Variants in NFIB observed in about 807,000 individuals in gnomAD.
The protein encoded by NFIB is nuclear factor 1 B-type.
Under a neutral mutation model 61.5 loss-of-function variants are expected in NFIB, and 11 were observed. That is an observed-to-expected ratio of 0.18 (90% confidence interval 0.11 to 0.30). The LOEUF (loss-of-function observed/expected upper bound fraction) is 0.30. Among genes scored for constraint, NFIB ranks in the 10% least tolerant of loss-of-function variants. NFIB has a pLI of 1.00. For missense variants in NFIB, 471 were observed against 608.9 expected, an observed-to-expected ratio of 0.77 and a Z score of 2.38; for synonymous variants, 260 against 216.5, an observed-to-expected ratio of 1.20 and a Z score of -1.76.
chr9:14,502,968 T>C, the NFIB span, among the ~76,000 whole-genome samples: 1 of 152,016 alleles, frequency 6.6e-6, no homozygotes, highest in Non-Finnish European at 1.5e-5. Flanking sequence ...AGTGCAAACA[T>C]ACAATGTTTT....
chr9:14,249,202 A>G (rs2055289162), intron 2 of NFIB, among the ~76,000 whole-genome samples: 1 of 152,152 alleles, frequency 6.6e-6, no homozygotes, highest in Non-Finnish European at 1.5e-5. Context: ...TAGTATTTCC[A>G]ATTACATAAA....
chr9:14,345,267 A>C (rs2061005210), intron 1 of NFIB, among the ~76,000 whole-genome samples: 1 of 152,186 alleles, frequency 6.6e-6, no homozygotes, highest in South Asian at 2.1e-4. Flanking sequence ...TCCTGTCCCA[A>C]TAATTTAAAT....
At chr9:14,458,905 A>G in the NFIB span, among the ~76,000 whole-genome samples, 27 of 151,956 alleles carry the variant, frequency 1.8e-4, no homozygotes, top group African/African-American at 4.8e-4. Flanking sequence ...ATGCTCATGG[A>G]TAGGAAGAAT....
chr9:14,225,406 G>A (rs35372188), intron 2 of NFIB, among the ~76,000 whole-genome samples: 180 of 134,272 alleles, frequency 1.3e-3, no homozygotes, highest in African/African-American at 4.9e-3. Context: ...GCAGTGAGCC[G>A]AGATCCCGCC....
At chr9:14,254,145 A>G (rs1469240832) in intron 2 of NFIB, among the ~76,000 whole-genome samples, 1 of 152,082 alleles carries the variant, frequency 6.6e-6, no homozygotes, top group East Asian at 1.9e-4. Context: ...TAGTAAAAGT[A>G]CAAAAATTAG....
the NFIB span, among the ~76,000 whole-genome samples, chr9:14,469,595 G>C: frequency 4.6e-5 from 7 of 152,174 alleles, no homozygotes; most frequent in African/African-American, 9.7e-5. Context: ...TGCCTGATAC[G>C]AATTGGTTGG....
chr9:14,322,346 TG>T, intron 1 of NFIB: 3 of 252,382 alleles, frequency 1.2e-5, no homozygotes, highest in Admixed American at 5.5e-5. Context: ...TGTGTGTGTG[TG>T]GTGGGTTTTA....
At chr9:14,382,314 T>C (rs1017084751) in intron 1 of NFIB, among the ~76,000 whole-genome samples, 5 of 151,864 alleles carry the variant, frequency 3.3e-5, no homozygotes, top group Admixed American at 6.6e-5. Context: ...TTCTGTACAA[T>C]TGTTGACGGC....
chr9:14,301,240 G>A (rs561943027), intron 2 of NFIB, among the ~76,000 whole-genome samples: 48 of 152,166 alleles, frequency 3.2e-4, no homozygotes, highest in Non-Finnish European at 3.2e-4. Flanking sequence ...AGACCTGACC[G>A]TCACTCCTGT....
the NFIB span, among the ~76,000 whole-genome samples, chr9:14,461,683 G>A: frequency 6.6e-6 from 1 of 152,208 alleles, no homozygotes; most frequent in Non-Finnish European, 1.5e-5. Context: ...AGAATCCTGT[G>A]AAGTGGGCTG....
upstream of NFIB, among the ~76,000 whole-genome samples, chr9:14,402,837 C>T (rs980770963): frequency 1.7e-4 from 26 of 152,254 alleles, no homozygotes; most frequent in Middle Eastern, 3.4e-3. Context: ...TTAACTCCAA[C>T]GTGCTCAGAA....
the NFIB span, among the ~76,000 whole-genome samples, chr9:14,469,512 T>G: frequency 6.6e-6 from 1 of 152,324 alleles, no homozygotes; most frequent in African/African-American, 2.4e-5. Flanking sequence ...CTTCCAAATT[T>G]GGAAATAACG....
intron 3 of NFIB, among the ~76,000 whole-genome samples, chr9:14,175,173 T>C (rs1357150761): frequency 8.1e-6 from 1 of 123,824 alleles, no homozygotes; most frequent in East Asian, 2.1e-4. Flanking sequence ...ATTTCTTTTT[T>C]TTTTTTTTTT....
At chr9:14,234,732 A>G (rs1250816391) in intron 2 of NFIB, among the ~76,000 whole-genome samples, 2 of 150,986 alleles carry the variant, frequency 1.3e-5, no homozygotes, top group South Asian at 2.1e-4. Flanking sequence ...ATTTACATCA[A>G]TTTAACTAAA....
At chr9:14,451,976 G>A in the NFIB span, among the ~76,000 whole-genome samples, 4 of 152,068 alleles carry the variant, frequency 2.6e-5, no homozygotes, top group East Asian at 1.9e-4. Flanking sequence ...GGGCTGGGGC[G>A]AGGATGCAGT....
intron 2 of NFIB, among the ~76,000 whole-genome samples, chr9:14,190,681 A>C (rs2047851411): frequency 1.3e-5 from 2 of 152,246 alleles, no homozygotes; most frequent in South Asian, 4.1e-4. Context: ...CTGTGCAGGC[A>C]AAGAAAGGAA....
chr9:14,524,657 G>C, the NFIB span, among the ~76,000 whole-genome samples: 1 of 152,292 alleles, frequency 6.6e-6, no homozygotes, highest in African/African-American at 2.4e-5. Context: ...TGTTACATGA[G>C]ATGTTGGTGA....
chr9:14,422,172 C>A, the NFIB span, among the ~76,000 whole-genome samples: 1 of 152,196 alleles, frequency 6.6e-6, no homozygotes, highest in South Asian at 2.1e-4. Flanking sequence ...GAGACTCCGA[C>A]CCAGGAAGAT....
At chr9:14,196,438 C>T (rs927425352) in intron 2 of NFIB, among the ~76,000 whole-genome samples, 3 of 152,062 alleles carry the variant, frequency 2.0e-5, no homozygotes, top group African/African-American at 4.8e-5. Context: ...TTCTAGTTTG[C>T]GGAAGGGGGT....
Sources: gnomAD v4.1 joint callset for allele counts (sites outside exome capture counted in the v4.1 genomes callset) on GRCh38, gnomAD v4.1.1 for gene constraint, MANE v1.5 for transcripts, NCBI Gene and HGNC (gene_info 2026-07-23, HGNC 2026-07-21) for gene names.